SNAP23: variants seen among roughly 807,000 people sequenced by gnomAD.
SNAP23 encodes the protein synaptosomal-associated protein 23.
Under a neutral mutation model 29.0 loss-of-function variants are expected in SNAP23, and 11 were observed. The ratio of observed to expected loss-of-function variants is 0.38; its 90% CI spans 0.24 to 0.63. The LOEUF (loss-of-function observed/expected upper bound fraction) is 0.63. Among genes scored for constraint, SNAP23 ranks in the 20% least tolerant of loss-of-function variants. The probability of loss-of-function intolerance (pLI) is 0.58; values close to 1 mark genes in which losing one functional copy is unlikely to be tolerated. For synonymous variants in SNAP23, 60 were observed against 82.9 expected (o/e 0.72, Z 1.50); for missense variants, 220 against 253.9 (o/e 0.87, Z 0.91).
intron 2 of SNAP23, chr15:42,512,171 T>A: frequency 4.6e-6 from 1 of 218,396 alleles, no homozygotes; most frequent in Non-Finnish European, 8.9e-6. Context: ...ATTTGAGAAA[T>A]GCTAGACTTC....
chr15:42,528,357 C>A lies in SNAP23; in HGVS notation c.362C>A (p.Pro121Gln). The change falls in exon 6 of 8, where the codon CCG becomes CAG. Residue 121 changes from proline to glutamine, a missense_variant. Pro to Gln is a moderately conservative substitution (Grantham distance 76). Coordinates refer to ENST00000249647, the MANE Select transcript of SNAP23 (RefSeq NM_003825.4). ...PCNVVSKQPG[P>Q]VTNGQLQQPT... is the part of the protein sequence containing the mutation. The stretch of plus-strand genomic sequence containing the variant: ...AATGTAGTATCTAAACAGCCAGGCC[C>A]GGTGACAAATGGTCAGCTTCAGCAA... The A allele has an allele frequency of 6.2e-7, 1 of 1,614,046 alleles. No individual in the cohort carries two copies. The highest frequency in any genetic ancestry group is 1.1e-5 in the South Asian group (1 of 91,072).
At chr15:42,513,830 G>A (rs962155815) in intron 4 of SNAP23, among the ~76,000 whole-genome samples, 1 of 151,738 alleles carries the variant, frequency 6.6e-6, no homozygotes, top group African/African-American at 2.4e-5. Context: ...TTTGGGGGTG[G>A]GGGATGAAGT....
chr15:42,491,744 T>C (rs1432220054), upstream of SNAP23, among the ~76,000 whole-genome samples: 1 of 152,172 alleles, frequency 6.6e-6, no homozygotes, highest in Non-Finnish European at 1.5e-5. Context: ...ATGCCTAAGG[T>C]ATTTATAATA....
intron 5 of SNAP23, among the ~76,000 whole-genome samples, chr15:42,519,974 T>C (rs2088824823): frequency 6.6e-6 from 1 of 152,024 alleles, no homozygotes; most frequent in Non-Finnish European, 1.5e-5. Context: ...TTTTTTATTA[T>C]TATCATTTTA....
chr15:42,515,118 C>T lies in SNAP23; in HGVS notation c.149-119C>T, dbSNP rs76903775. The T allele has an allele frequency of 3.0e-3, 1,984 of 658,268 alleles. 22 individuals carry two copies. The African/African-American group carries it at 0.033, about 11-fold the overall frequency. The allele number at this position is 658,268 out of a possible 1,614,324, so 40.8% of individuals were successfully genotyped here. ...TCTAATACCTTTTGACACTGACATACTCACTGTGGGGAGTTATTGGTAGAT... is the reference window on the plus strand; with the variant it reads ...TCTAATACCTTTTGACACTGACATATTCACTGTGGGGAGTTATTGGTAGAT... On this transcript the variant is annotated intron_variant, in intron 4 of 7. Coordinates refer to ENST00000249647, the MANE Select transcript of SNAP23 (RefSeq NM_003825.4).
At chr15:42,512,413 CTA>C (rs2057364847) in intron 2 of SNAP23, 1 of 125,798 alleles carries the variant, frequency 7.9e-6, no homozygotes, top group East Asian at 2.4e-4. Flanking sequence ...GAGTCTCACT[CTA>C]TTGCCCAGGC....
At chr15:42,517,275 T>C (rs570475397) in intron 5 of SNAP23, among the ~76,000 whole-genome samples, 1 of 152,348 alleles carries the variant, frequency 6.6e-6, no homozygotes, top group Admixed American at 6.5e-5. Context: ...CAGATTACTT[T>C]AAGCAAACAA....
intron 2 of SNAP23, 79 bp downstream of exon 2, chr15:42,511,982 C>A: frequency 2.3e-6 from 2 of 879,228 alleles, no homozygotes; most frequent in Non-Finnish European, 1.7e-6. Flanking sequence ...TTCTTAGGGA[C>A]ATTTTGGCCT....
chr15:42,530,385 CT>C (rs1187998610), intron 7 of SNAP23, among the ~76,000 whole-genome samples: 3 of 152,152 alleles, frequency 2.0e-5, no homozygotes, highest in Admixed American at 1.3e-4. Context: ...AGTTGTGATT[CT>C]TTTTTTTCCC....
chr15:42,510,000 C>G (rs1421314520), intron 1 of SNAP23, among the ~76,000 whole-genome samples: 2 of 152,026 alleles, frequency 1.3e-5, no homozygotes, highest in Non-Finnish European at 2.9e-5. Context: ...ACCCAGGAGG[C>G]AGAAGGTGCA....
intron 5 of SNAP23, 140 bp downstream of exon 5, chr15:42,515,494 T>G (rs1289084819): frequency 1.7e-6 from 1 of 598,096 alleles, no homozygotes; most frequent in African/African-American, 1.9e-5. Flanking sequence ...TTCAGGCAGA[T>G]TAAGCTTTTT....
rs767513736 is a variant in SNAP23 at position 42,531,547 on chromosome 15, A to G, written c.*69A>G. 2.4e-6 allele frequency: 3 copies of G among 1,272,192 alleles called. No homozygotes were observed. 78.8% of individuals were successfully genotyped at this position (1,272,192 alleles called of 1,614,324 possible). On this transcript the variant is annotated 3_prime_UTR_variant, in exon 8 of 8. Coordinates refer to ENST00000249647, the MANE Select transcript of SNAP23 (RefSeq NM_003825.4). ...CCTCCTTGAAAGTTATTACCTTTTC[A>G]GAGTTTAAGTTTTCGGTTCCACGCT...
At position 42,502,562 on chromosome 15, in the gene SNAP23, T is replaced by A. The variant is rs1261251507; in HGVS notation, c.-15+6849T>A. Among the ~76,000 whole-genome samples, 7 of 152,160 alleles carry A rather than the reference T, an allele frequency of 4.6e-5. No homozygotes were observed. The East Asian group carries it at 1.3e-3, about 29-fold the overall frequency. On this transcript the variant is annotated intron_variant, in intron 1 of 7. Coordinates refer to ENST00000249647, the MANE Select transcript of SNAP23 (RefSeq NM_003825.4). The stretch of plus-strand genomic sequence containing the variant: ...AAATAAAGCATCTAAGTGAACTTAA[T>A]CAGAGCTAAACTATGTGGATGGTTT...
chr15:42,502,443 T>G (rs1595515621), intron 1 of SNAP23, among the ~76,000 whole-genome samples: 1 of 151,754 alleles, frequency 6.6e-6, no homozygotes, highest in Non-Finnish European at 1.5e-5. Context: ...ATTTTGGGAG[T>G]CCAAGACAGA....
At chr15:42,492,243 C>T (rs1252473950), upstream of SNAP23, among the ~76,000 whole-genome samples, 2 of 152,116 alleles carry the variant, frequency 1.3e-5, no homozygotes, top group Non-Finnish European at 2.9e-5. Flanking sequence ...AGCCCATACC[C>T]ATTCCCTCAG....
At chr15:42,497,043 C>CTTT (rs1223381614) in intron 1 of SNAP23, among the ~76,000 whole-genome samples, 1 of 141,212 alleles carries the variant, frequency 7.1e-6, no homozygotes, top group Non-Finnish European at 1.6e-5. Context: ...TTCTTTCTTT[C>CTTT]TTTTTTTTTT....
At chr15:42,511,125 C>T (rs149720056) in intron 1 of SNAP23, among the ~76,000 whole-genome samples, 63 of 152,274 alleles carry the variant, frequency 4.1e-4, no homozygotes, top group African/African-American at 1.4e-3. Context: ...GTAACACCTA[C>T]GAAATGTTTT....
intron 5 of SNAP23, among the ~76,000 whole-genome samples, chr15:42,520,195 C>T (rs1229908614): frequency 1.3e-5 from 2 of 151,564 alleles, no homozygotes; most frequent in African/African-American, 2.4e-5. Flanking sequence ...GGATTACAGG[C>T]GTGCACCACC....
intron 5 of SNAP23, among the ~76,000 whole-genome samples, chr15:42,524,115 T>C (rs570538365): frequency 3.3e-5 from 5 of 152,000 alleles, no homozygotes; most frequent in African/African-American, 9.6e-5. Context: ...CGCGCCTGGC[T>C]TTTTTTTGTT....
Sources: gnomAD v4.1 joint callset for allele counts (sites outside exome capture counted in the v4.1 genomes callset) on GRCh38, gnomAD v4.1.1 for gene constraint, MANE v1.5 for transcripts, NCBI Gene and HGNC (gene_info 2026-07-23, HGNC 2026-07-21) for gene names.